Variants in RANBP2 observed in about 807,000 individuals in gnomAD.
RANBP2 encodes E3 SUMO-protein ligase RanBP2.
Under a neutral mutation model 303.6 loss-of-function variants are expected in RANBP2, and 57 were observed. The observed-to-expected ratio is 0.19, with a 90% confidence interval of 0.15 to 0.23. The LOEUF (loss-of-function observed/expected upper bound fraction) is 0.23. Ranked by LOEUF, RANBP2 falls within the 10% of genes least tolerant of loss-of-function variation. The pLI is 1.00. For synonymous variants in RANBP2, 1,167 were observed against 1,301.5 expected (o/e 0.90, Z 2.23); for missense variants, 3,138 against 3,780.8 (o/e 0.83, Z 4.46).
At chr2:109,228,932 G>A in the RANBP2 span, among the ~76,000 whole-genome samples, 1 of 152,168 alleles carries the variant, frequency 6.6e-6, no homozygotes, top group Non-Finnish European at 1.5e-5. Flanking sequence ...ATGGGGTATG[G>A]AGCTGAAAAC....
chr2:109,352,349 G>C, the RANBP2 span, among the ~76,000 whole-genome samples: 1 of 152,186 alleles, frequency 6.6e-6, no homozygotes, highest in Admixed American at 6.5e-5. Flanking sequence ...TGCAGGACTG[G>C]TCTGCTATGC....
At chr2:109,701,221 G>A in the RANBP2 span, among the ~76,000 whole-genome samples, 1 of 152,110 alleles carries the variant, frequency 6.6e-6, no homozygotes. Context: ...AGGCAAGTCG[G>A]AAAAAAACAC....
At chr2:109,165,614 C>G in the RANBP2 span, among the ~76,000 whole-genome samples, 2 of 152,202 alleles carry the variant, frequency 1.3e-5, no homozygotes, top group East Asian at 1.9e-4. Flanking sequence ...ATTGCCAACT[C>G]TGCCTTAGAG....
At chr2:109,426,336 A>G in the RANBP2 span, among the ~76,000 whole-genome samples, 2 of 152,238 alleles carry the variant, frequency 1.3e-5, no homozygotes, top group African/African-American at 4.8e-5. Context: ...TTTGTGATTC[A>G]TGGGAGGAGG....
chr2:108,724,553 G>A (rs1383394920), intron 1 of RANBP2, among the ~76,000 whole-genome samples: 1 of 151,918 alleles, frequency 6.6e-6, no homozygotes, highest in African/African-American at 2.4e-5. Context: ...GTAACTTAAA[G>A]GTTTTCTGGA....
the RANBP2 span, among the ~76,000 whole-genome samples, chr2:109,410,237 G>A: frequency 6.6e-6 from 1 of 152,216 alleles, no homozygotes; most frequent in Admixed American, 6.5e-5. Flanking sequence ...GGAATTTGAT[G>A]AAACACATCG....
chr2:109,163,175 C>T, the RANBP2 span, among the ~76,000 whole-genome samples: 1 of 152,174 alleles, frequency 6.6e-6, no homozygotes, highest in South Asian at 2.1e-4. Context: ...ACTGAGCTCA[C>T]CCCCGAGGCG....
the RANBP2 span, among the ~76,000 whole-genome samples, chr2:109,250,003 A>G: frequency 6.7e-6 from 1 of 149,840 alleles, no homozygotes; most frequent in Non-Finnish European, 1.5e-5. Context: ...TCTCTACCAA[A>G]TTTTAAGTCA....
the RANBP2 span, among the ~76,000 whole-genome samples, chr2:108,852,100 T>TTATATA: frequency 1.3e-5 from 2 of 152,166 alleles, no homozygotes; most frequent in Non-Finnish European, 1.5e-5. Flanking sequence ...GCCGAGCACT[T>TTATATA]TATATATATT....
the RANBP2 span, among the ~76,000 whole-genome samples, chr2:109,570,384 G>A: frequency 2.0e-5 from 3 of 152,000 alleles, no homozygotes; most frequent in African/African-American, 7.3e-5. Context: ...CATCATCTGT[G>A]GGTTCTGCAT....
the RANBP2 span, among the ~76,000 whole-genome samples, chr2:109,572,712 G>A: frequency 4.6e-5 from 7 of 151,230 alleles, no homozygotes; most frequent in African/African-American, 1.7e-4. Flanking sequence ...CGCCTCCTGG[G>A]TTCAAGCAAT....
intron 1 of RANBP2, among the ~76,000 whole-genome samples, chr2:108,723,021 G>T (rs1022600769): frequency 6.6e-6 from 1 of 152,068 alleles, no homozygotes; most frequent in Non-Finnish European, 1.5e-5. Context: ...ACTTCTCAAA[G>T]TCTACTTGAC....
the RANBP2 span, among the ~76,000 whole-genome samples, chr2:109,695,894 G>T: frequency 1.3e-5 from 2 of 151,938 alleles, no homozygotes; most frequent in African/African-American, 4.8e-5. Flanking sequence ...ACAGGATTTG[G>T]GGGGAACTTC....
chr2:109,616,081 T>C, the RANBP2 span: 12 of 1,493,664 alleles, frequency 8.0e-6, no homozygotes, highest in Non-Finnish European at 1.1e-5. Context: ...TTGCTTCTTT[T>C]AGAAAATGCA....
intron 17 of RANBP2, 51 bp from the exon 18 acceptor site, chr2:108,758,357 TCTGTC>T: frequency 6.2e-7 from 1 of 1,608,168 alleles, no homozygotes; most frequent in Non-Finnish European, 8.5e-7. Flanking sequence ...CAGCACTGTT[TCTGTC>T]ATGATATAAT....
the RANBP2 span, among the ~76,000 whole-genome samples, chr2:109,295,323 G>A: frequency 6.6e-6 from 1 of 152,218 alleles, no homozygotes; most frequent in Non-Finnish European, 1.5e-5. Flanking sequence ...GAAACCACAG[G>A]TCAGAGAGGT....
At chr2:108,960,035 G>A in the RANBP2 span, among the ~76,000 whole-genome samples, 1 of 152,254 alleles carries the variant, frequency 6.6e-6, no homozygotes, top group Admixed American at 6.5e-5. Flanking sequence ...GGCCACGGTG[G>A]CTCTGAGAAA....
the RANBP2 span, among the ~76,000 whole-genome samples, chr2:109,704,132 C>T: frequency 1.3e-5 from 2 of 152,216 alleles, no homozygotes; most frequent in Non-Finnish European, 2.9e-5. Flanking sequence ...CCCTCCCCCA[C>T]ATCTGGAAGT....
the RANBP2 span, among the ~76,000 whole-genome samples, chr2:109,189,128 G>A: frequency 6.6e-6 from 1 of 152,012 alleles, no homozygotes; most frequent in Non-Finnish European, 1.5e-5. Flanking sequence ...TGCTAGCAGA[G>A]GCTTCCCCAG....
Sources: allele counts gnomAD v4.1 joint callset (sites outside exome capture counted in the v4.1 genomes callset), GRCh38; gene constraint gnomAD v4.1.1; transcripts MANE v1.5; gene names NCBI Gene and HGNC (gene_info 2026-07-23, HGNC 2026-07-21).